Variants in EPB41L4B observed in about 807,000 individuals in gnomAD.
The protein encoded by EPB41L4B is band 4.1-like protein 4B.
A neutral mutation model predicts 112.5 loss-of-function variants in EPB41L4B; 30 were observed. The ratio of observed to expected loss-of-function variants is 0.27; its 90% CI spans 0.20 to 0.36. The LOEUF is 0.36. Among genes scored for constraint, EPB41L4B ranks in the 10% least tolerant of loss-of-function variants. EPB41L4B has a pLI of 1.00. For synonymous variants in EPB41L4B, 408 were observed against 439.7 expected (o/e 0.93, Z 0.90); for missense variants, 1,024 against 1,133.3 (o/e 0.90, Z 1.38).
chr9:109,178,513 T>C (rs916056447), intron 24 of EPB41L4B, among the ~76,000 whole-genome samples: 1 of 151,716 alleles, frequency 6.6e-6, no homozygotes, highest in Non-Finnish European at 1.5e-5. Context: ...GTAGCTGGGG[T>C]TACAGGTGCC....
chr9:109,188,785 C>G (rs17729759), intron 22 of EPB41L4B, among the ~76,000 whole-genome samples: 40,098 of 152,022 alleles, frequency 0.26, 5,721 homozygotes, highest in East Asian at 0.38. Context: ...CATGTCATGG[C>G]CCAGAAGGGA....
At chr9:109,263,402 C>T (rs1304679619) in intron 5 of EPB41L4B, among the ~76,000 whole-genome samples, 1 of 152,206 alleles carries the variant, frequency 6.6e-6, no homozygotes, top group Non-Finnish European at 1.5e-5. Context: ...AAAGTATTCC[C>T]TTTGCCTTAT....
rs761416535 is a variant in EPB41L4B, at chr9:109,217,118, G to C, written c.1437C>G (p.Ser479Arg). 1.3e-5 allele frequency: 21 copies of C among 1,614,018 alleles called. No individual in the cohort carries two copies. In the Admixed American group the frequency reaches 1.5e-4, roughly 12 times the overall value. Residue 479 changes from serine to arginine, a missense_variant, in exon 16 of 26, where the codon AGC (serine) becomes AGG (arginine). Transcript: ENST00000374566. ...VSYPLPSPVL[S>R]SSDRLPFGIE... The stretch of plus-strand genomic sequence containing the variant: ...TGCCAAAAGGCAACCGGTCCGAGCT[G>C]CTAAGCACTGGGGAAGGGAGCGGGT...
At chr9:109,195,942 C>T (rs1369860457) in intron 20 of EPB41L4B, among the ~76,000 whole-genome samples, 2 of 152,154 alleles carry the variant, frequency 1.3e-5, no homozygotes, top group East Asian at 3.9e-4. Context: ...AAGGTAAATT[C>T]ATGATAAAGT....
At chr9:109,203,842 G>T in intron 18 of EPB41L4B, 112 bp from the exon 19 acceptor site, 1 of 808,612 alleles carries the variant, frequency 1.2e-6, no homozygotes, top group Non-Finnish European at 2.1e-6. Context: ...GGACCAAAGA[G>T]GTAGTTCACC....
Position 109,320,542 on chromosome 9 carries a change from C to T in EPB41L4B, c.-96G>A. 1.4e-6 allele frequency: 1 copy of T among 727,212 alleles called. No individual in the cohort carries two copies. Among genetic ancestry groups the T allele is most frequent in the Non-Finnish European group, 1.7e-6 (1 of 597,390 alleles). 45.0% of individuals were successfully genotyped at this position (727,212 alleles called of 1,614,324 possible). On this transcript the variant is annotated 5_prime_UTR_variant, in exon 1 of 26. Transcript: ENST00000374566. ...GCCCGGGAGCGTCCCGCGACGCCGT[C>T]AGTGCCCTCGGCCGCCCGCGCCGCC... is the stretch of plus-strand genomic sequence containing the variant.
At chr9:109,296,926 G>A (rs1006023135) in intron 1 of EPB41L4B, among the ~76,000 whole-genome samples, 2 of 151,726 alleles carry the variant, frequency 1.3e-5, no homozygotes, top group South Asian at 2.1e-4. Flanking sequence ...AAGAGACAGG[G>A]TAGTGTTATG....
intron 12 of EPB41L4B, among the ~76,000 whole-genome samples, chr9:109,252,371 G>A (rs1443115975): frequency 2.0e-5 from 3 of 152,086 alleles, no homozygotes; most frequent in Non-Finnish European, 2.9e-5. Context: ...CCTTCCTCCC[G>A]GGCGCTGTGG....
chr9:109,318,470 T>C (rs937729009), intron 1 of EPB41L4B, among the ~76,000 whole-genome samples: 2 of 152,174 alleles, frequency 1.3e-5, no homozygotes, highest in African/African-American at 4.8e-5. Flanking sequence ...TGACAAGCAA[T>C]ACATTTTATA....
intron 15 of EPB41L4B, among the ~76,000 whole-genome samples, chr9:109,232,385 A>G (rs537590313): frequency 6.6e-6 from 1 of 152,210 alleles, no homozygotes; most frequent in South Asian, 2.1e-4. Flanking sequence ...AACAGCATTA[A>G]CAGACTTTCC....
intron 17 of EPB41L4B, among the ~76,000 whole-genome samples, chr9:109,210,605 C>T (rs912214720): frequency 2.0e-5 from 3 of 152,202 alleles, no homozygotes; most frequent in Non-Finnish European, 4.4e-5. Flanking sequence ...CTGGCTTGTT[C>T]TTGTTCATTC....
chr9:109,318,178 TGTGC>T (rs1296062543), intron 1 of EPB41L4B, among the ~76,000 whole-genome samples: 2 of 149,710 alleles, frequency 1.3e-5, no homozygotes, highest in Admixed American at 1.3e-4. Flanking sequence ...TGTGTGTGTG[TGTGC>T]ACGCGCATAA....
rs529521868 is a variant in EPB41L4B, at chr9:109,276,523, C to T, written c.411+3294G>A. Among the ~76,000 whole-genome samples, 12 of 152,328 alleles carry T rather than the reference C, an allele frequency of 7.9e-5. 1 individual carries two copies. The highest frequency in any genetic ancestry group is 2.9e-4 in the African/African-American group (12 of 41,584). On this transcript the variant is annotated intron_variant, in intron 2 of 25. Transcript: ENST00000374566. ...CCGCACAGCTCTTGCATCCTCAGAG[C>T]TGGAGGCAGATGAGGACCCTCGCCC...
intron 20 of EPB41L4B, among the ~76,000 whole-genome samples, chr9:109,194,874 A>G (rs1832588780): frequency 6.6e-6 from 1 of 152,178 alleles, no homozygotes; most frequent in African/African-American, 2.4e-5. Flanking sequence ...ACGTCACATA[A>G]GTGGAATCAC....
intron 1 of EPB41L4B, among the ~76,000 whole-genome samples, chr9:109,285,717 C>A (rs1240953109): frequency 6.6e-6 from 1 of 152,138 alleles, no homozygotes; most frequent in South Asian, 2.1e-4. Context: ...CCTGCAGTGT[C>A]CCCTCTCAAA....
At chr9:109,311,568 C>A (rs2119267366) in intron 1 of EPB41L4B, among the ~76,000 whole-genome samples, 1 of 152,332 alleles carries the variant, frequency 6.6e-6, no homozygotes, top group South Asian at 2.1e-4. Flanking sequence ...AAATGCTGGG[C>A]ACTCAGCCAG....
intron 19 of EPB41L4B, among the ~76,000 whole-genome samples, chr9:109,202,303 T>A (rs1300839242): frequency 1.3e-5 from 2 of 152,170 alleles, no homozygotes; most frequent in Non-Finnish European, 2.9e-5. Flanking sequence ...AGATTGGGAA[T>A]CATAAGGTGA....
intron 20 of EPB41L4B, among the ~76,000 whole-genome samples, chr9:109,197,468 G>A (rs1034528558): frequency 7.9e-5 from 12 of 151,690 alleles, no homozygotes; most frequent in African/African-American, 1.5e-4. Context: ...GCAAATGAGC[G>A]GTAGCCAGCG....
intron 17 of EPB41L4B, among the ~76,000 whole-genome samples, chr9:109,208,854 T>G (rs546061550): frequency 1.3e-5 from 2 of 152,360 alleles, no homozygotes; most frequent in East Asian, 3.9e-4. Context: ...TAACCATGCC[T>G]ATTGTGGTCA....
Sources: gnomAD v4.1 joint callset for allele counts (sites outside exome capture counted in the v4.1 genomes callset) on GRCh38, gnomAD v4.1.1 for gene constraint, MANE v1.5 for transcripts, NCBI Gene and HGNC (gene_info 2026-07-23, HGNC 2026-07-21) for gene names.